Variants in LHX8 observed in about 807,000 individuals in gnomAD.
The protein encoded by LHX8 is LIM homeobox 8.
A neutral mutation model predicts 40.3 loss-of-function variants in LHX8; 12 were observed. That is an observed-to-expected ratio of 0.30 (90% confidence interval 0.19 to 0.48). The LOEUF (loss-of-function observed/expected upper bound fraction) is 0.48, where lower values mean the gene tolerates loss of function less well. LHX8 is among the 20% of genes least tolerant of loss of function. The probability of loss-of-function intolerance (pLI) is 0.99; values close to 1 mark genes in which losing one functional copy is unlikely to be tolerated. For synonymous variants in LHX8, 179 were observed against 162.0 expected, an observed-to-expected ratio of 1.10 and a Z score of -0.80; for missense variants, 344 against 433.7, an observed-to-expected ratio of 0.79 and a Z score of 1.84.
At chr1:75,173,669 A>G in the LHX8 span, among the ~76,000 whole-genome samples, 2 of 152,134 alleles carry the variant, frequency 1.3e-5, no homozygotes, top group African/African-American at 2.4e-5. Context: ...GGCGTGAGCC[A>G]CCGTGCCCAG....
chr1:75,147,329 C>T lies in LHX8; in HGVS notation c.685-1258C>T, dbSNP rs1648486166. Among the ~76,000 whole-genome samples the T allele has an allele frequency of 2.0e-5, 3 of 152,082 alleles. No individual in the cohort carries two copies. In the South Asian group the frequency reaches 6.2e-4, roughly 31 times the overall value. On this transcript the variant is annotated intron_variant, in intron 6 of 8. Coordinates refer to ENST00000356261, the MANE Select transcript of LHX8 (RefSeq NM_001256114.2). Reference sequence around the variant, plus strand: ...TTTTTCTACACTGTCTTCAGATTTTCCTTACATTGCCAAGTTTTACTCTGT... The same window carrying T: ...TTTTTCTACACTGTCTTCAGATTTTTCTTACATTGCCAAGTTTTACTCTGT...
chr1:75,180,515 T>A, the LHX8 span, among the ~76,000 whole-genome samples: 1 of 152,216 alleles, frequency 6.6e-6, no homozygotes, highest in Non-Finnish European at 1.5e-5. Flanking sequence ...GTCACGTAGT[T>A]CTCATGCCAT....
the LHX8 span, among the ~76,000 whole-genome samples, chr1:75,179,478 G>C: frequency 6.7e-6 from 1 of 148,524 alleles, no homozygotes; most frequent in Non-Finnish European, 1.5e-5. Context: ...TGTTTTAAAA[G>C]AGACTAGGAT....
At chr1:75,150,365 T>G (rs1648572703) in intron 7 of LHX8, among the ~76,000 whole-genome samples, 2 of 152,118 alleles carry the variant, frequency 1.3e-5, no homozygotes, top group Admixed American at 6.6e-5. Flanking sequence ...AATTATGCAG[T>G]GATGGTGGCA....
chr1:75,169,075 C>A, the LHX8 span, among the ~76,000 whole-genome samples: 5 of 152,016 alleles, frequency 3.3e-5, no homozygotes, highest in Non-Finnish European at 7.4e-5. Context: ...AATGTAACAT[C>A]CTTTGTGGCC....
chr1:75,181,442 G>GT, the LHX8 span, among the ~76,000 whole-genome samples: 1 of 152,140 alleles, frequency 6.6e-6, no homozygotes, highest in Non-Finnish European at 1.5e-5. Context: ...CCCAGCCAGT[G>GT]TTGCCAGTTC....
rs1213838602 is a variant in LHX8 at position 75,134,726 on chromosome 1, C to T, written c.-241C>T. On this transcript the variant is annotated 5_prime_UTR_variant, in exon 1 of 9. Coordinates refer to ENST00000356261, the MANE Select transcript of LHX8 (RefSeq NM_001256114.2). ...GTGAGCGAGCCGACGCCTGGCCAGACCAGCTGAATCGCAGTGTCCTTGAAA... is the reference window on the plus strand; with the variant it reads ...GTGAGCGAGCCGACGCCTGGCCAGATCAGCTGAATCGCAGTGTCCTTGAAA... 6.6e-6 allele frequency among the ~76,000 whole-genome samples: 1 copy of T among 152,120 alleles called. No individual in the cohort carries two copies. Among genetic ancestry groups the T allele is most frequent in the African/African-American group, 2.4e-5 (1 of 41,408 alleles).
At chr1:75,149,752 G>A (rs1030323323) in intron 7 of LHX8, among the ~76,000 whole-genome samples, 1 of 152,098 alleles carries the variant, frequency 6.6e-6, no homozygotes, top group Non-Finnish European at 1.5e-5. Flanking sequence ...TCACCGTGTT[G>A]CCCAGGCTGG....
rs375888365 is a variant in LHX8, at chr1:75,136,952, G to C, written c.76-148G>C. 675 of 961,864 alleles carry C rather than the reference G, an allele frequency of 7.0e-4. 11 individuals are homozygous for C. In the South Asian group the frequency reaches 0.011, roughly 16 times the overall value. The allele number at this position is 961,864 out of a possible 1,614,324, so 59.6% of individuals were successfully genotyped here. A position where few individuals can be genotyped will look rare whatever the true frequency, so the allele number is the denominator to read the frequency against. ...AGCCAGAGCTTGGACTCGGGGAAGA[G>C]GGCGAGAATCGTGACCTCAAGAAGC... On this transcript the variant is annotated intron_variant, in intron 2 of 8. Transcript: ENST00000356261.
intron 8 of LHX8, 156 bp from the exon 9 acceptor site, chr1:75,160,663 G>A: frequency 2.9e-6 from 2 of 681,806 alleles, no homozygotes; most frequent in South Asian, 1.6e-5. Flanking sequence ...TGCTGAATAG[G>A]TTAATGCTTC....
the LHX8 span, among the ~76,000 whole-genome samples, chr1:75,188,110 A>G: frequency 1.3e-5 from 2 of 152,154 alleles, no homozygotes; most frequent in African/African-American, 2.4e-5. Context: ...AGGCAAAGAA[A>G]TAGAGAAATC....
chr1:75,193,503 C>G, the LHX8 span, among the ~76,000 whole-genome samples: 1 of 152,196 alleles, frequency 6.6e-6, no homozygotes, highest in Non-Finnish European at 1.5e-5. Flanking sequence ...CCCTATCACA[C>G]GTTGAACAGC....
chr1:75,170,612 G>A, the LHX8 span, among the ~76,000 whole-genome samples: 1 of 152,184 alleles, frequency 6.6e-6, no homozygotes. Flanking sequence ...AAATCAGGCT[G>A]TAATTCAGTG....
At chr1:75,157,921 G>T (rs1648813849) in intron 8 of LHX8, among the ~76,000 whole-genome samples, 1 of 152,072 alleles carries the variant, frequency 6.6e-6, no homozygotes, top group Non-Finnish European at 1.5e-5. Flanking sequence ...TACTAGATAT[G>T]TACCTGGGAG....
the LHX8 span, among the ~76,000 whole-genome samples, chr1:75,178,923 G>T: frequency 6.6e-6 from 1 of 152,030 alleles, no homozygotes; most frequent in African/African-American, 2.4e-5. Context: ...CCTTCATTTC[G>T]TTATTTACCC....
intron 8 of LHX8, among the ~76,000 whole-genome samples, chr1:75,158,769 A>G (rs1211369825): frequency 6.6e-6 from 1 of 152,122 alleles, no homozygotes; most frequent in African/African-American, 2.4e-5. Flanking sequence ...AATTTTTAAT[A>G]TATGATAATG....
downstream of LHX8, among the ~76,000 whole-genome samples, chr1:75,162,197 A>G (rs2100368906): frequency 6.6e-6 from 1 of 152,250 alleles, no homozygotes; most frequent in East Asian, 1.9e-4. Context: ...TAAGTAACTT[A>G]TCTGCCTGAA....
the LHX8 span, among the ~76,000 whole-genome samples, chr1:75,167,880 C>T: frequency 1.3e-5 from 2 of 152,114 alleles, no homozygotes; most frequent in Non-Finnish European, 1.5e-5. Context: ...TTGTTCTCTT[C>T]GACTAAGCAA....
At chr1:75,196,415 C>T in the LHX8 span, among the ~76,000 whole-genome samples, 2 of 152,064 alleles carry the variant, frequency 1.3e-5, no homozygotes, top group South Asian at 4.1e-4. Context: ...TTCCCTGGAG[C>T]TTGAAAGCAA....
Sources: gnomAD v4.1 joint callset for allele counts (sites outside exome capture counted in the v4.1 genomes callset) on GRCh38, gnomAD v4.1.1 for gene constraint, MANE v1.5 for transcripts, NCBI Gene and HGNC (gene_info 2026-07-23, HGNC 2026-07-21) for gene names.